ARMH1: variants seen among roughly 807,000 people sequenced by gnomAD.
The protein encoded by ARMH1 is armadillo-like helical domain containing protein 1.
A neutral mutation model predicts 50.2 loss-of-function variants in ARMH1; 34 were observed. The ratio of observed to expected loss-of-function variants is 0.68; its 90% confidence interval spans 0.51 to 0.90. ARMH1 has a LOEUF of 0.90. Ranked by LOEUF, ARMH1 falls within the 40% of genes least tolerant of loss-of-function variation. ARMH1 has a pLI of 0.00. For synonymous variants in ARMH1, 221 were observed against 224.2 expected (o/e 0.99, Z 0.13); for missense variants, 538 against 553.9 (o/e 0.97, Z 0.29).
chr1:44,687,210 G>GTTT (rs1645501433), intron 1 of ARMH1, among the ~76,000 whole-genome samples: 1 of 152,214 alleles, frequency 6.6e-6, no homozygotes, highest in South Asian at 2.1e-4. Flanking sequence ...AGATGACCAT[G>GTTT]TTTTCCCTGT....
At chr1:44,714,895 T>C (rs564755035) in intron 6 of ARMH1, among the ~76,000 whole-genome samples, 1 of 152,164 alleles carries the variant, frequency 6.6e-6, no homozygotes, top group South Asian at 2.1e-4. Context: ...TTTTCTTTTT[T>C]TGTTGGGGGG....
intron 4 of ARMH1, among the ~76,000 whole-genome samples, chr1:44,700,592 G>A (rs997494362): frequency 2.0e-5 from 3 of 148,392 alleles, no homozygotes; most frequent in Non-Finnish European, 3.0e-5. Flanking sequence ...CTCCAGCCTG[G>A]GCAACAGACA....
Position 44,724,321 on chromosome 1 carries a change from C to T in ARMH1, c.849C>T (p.Asp283=). The change falls in exon 8 of 12, where the codon GAC becomes GAT. Residue 283 remains aspartate, a splice_region_variant and synonymous_variant. Coordinates refer to ENST00000535358, the MANE Select transcript of ARMH1 (RefSeq NM_001145636.2). The surrounding 1 kb of genome is among the most constrained non-coding windows in gnomAD (Gnocchi z 6.4). ...ISKLQAKILS[D]PSVLQLTPSL... ...GCCTCACGGCTGCCCCCTCCTCAGACCCCTCGGTTCTCCAGCTCACCCCCA... is the reference window on the plus strand; with the variant it reads ...GCCTCACGGCTGCCCCCTCCTCAGATCCCTCGGTTCTCCAGCTCACCCCCA... 1 of 1,551,596 alleles carries T rather than the reference C, an allele frequency of 6.4e-7. No homozygotes were observed. The highest frequency in any genetic ancestry group is 8.7e-7 in the Non-Finnish European group (1 of 1,146,974).
chr1:44,721,660 T>TGGAGGTTGTA (rs1647161772), intron 6 of ARMH1: 1 of 152,024 alleles, frequency 6.6e-6, no homozygotes, highest in Non-Finnish European at 1.5e-5. Context: ...GCATGGGAGA[T>TGGAGGTTGTA]GGAGGTTGTA....
At chr1:44,721,491 T>C (rs1019487706) in intron 6 of ARMH1, among the ~76,000 whole-genome samples, 2 of 151,712 alleles carry the variant, frequency 1.3e-5, no homozygotes, top group African/African-American at 2.4e-5. Context: ...AGATACAGAC[T>C]GTCAAAAACT....
intron 6 of ARMH1, among the ~76,000 whole-genome samples, chr1:44,719,038 A>AG (rs2148762232): frequency 6.6e-6 from 1 of 151,754 alleles, no homozygotes; most frequent in Non-Finnish European, 1.5e-5. Context: ...AAAAAAAAAA[A>AG]AAAAAAAAAG....
intron 4 of ARMH1, among the ~76,000 whole-genome samples, chr1:44,698,487 G>A (rs1645903246): frequency 6.6e-6 from 1 of 152,146 alleles, no homozygotes; most frequent in South Asian, 2.1e-4. Context: ...TCAAAGATTT[G>A]TTGAGCTGTG....
At chr1:44,718,735 C>T (rs1206227602) in intron 6 of ARMH1, among the ~76,000 whole-genome samples, 2 of 152,116 alleles carry the variant, frequency 1.3e-5, no homozygotes, top group East Asian at 1.9e-4. Flanking sequence ...TCATAAGAAG[C>T]GTTTCTGGGC....
chr1:44,675,156 G>A (rs980732263), intron 1 of ARMH1, among the ~76,000 whole-genome samples: 4 of 152,190 alleles, frequency 2.6e-5, no homozygotes, highest in African/African-American at 9.7e-5. Context: ...TTAGGCCCTA[G>A]TGAGAATCAA....
At chr1:44,695,986 G>C (rs75464318) in intron 2 of ARMH1, among the ~76,000 whole-genome samples, 1,965 of 151,060 alleles carry the variant, frequency 0.013, 43 homozygotes, top group African/African-American at 0.045. Flanking sequence ...AGAGGAAACA[G>C]AAGGTGACAG....
chr1:44,696,766 G>A (rs1422502272), intron 2 of ARMH1, among the ~76,000 whole-genome samples: 1 of 152,212 alleles, frequency 6.6e-6, no homozygotes, highest in African/African-American at 2.4e-5. Context: ...GATGCAATGG[G>A]CATGGCTTAG....
chr1:44,703,450 C>CA (rs1263247358), intron 5 of ARMH1, among the ~76,000 whole-genome samples: 3 of 151,392 alleles, frequency 2.0e-5, no homozygotes. Context: ...TGGGCGGGCA[C>CA]AGTGGCTCAT....
chr1:44,725,152 T>C lies in ARMH1; in HGVS notation c.1145T>C (p.Leu382Ser). 1 of 1,551,900 alleles carries C rather than the reference T, an allele frequency of 6.4e-7. No individual in the cohort carries two copies. The highest frequency in any genetic ancestry group is 8.7e-7 in the Non-Finnish European group (1 of 1,147,020). Residue 382 changes from leucine (L) to serine (S), a missense_variant, in exon 11 of 12, where the codon TTG becomes TCG. Leu to Ser is a moderately radical substitution (Grantham distance 145, BLOSUM62 -2). Coordinates refer to ENST00000535358, the MANE Select transcript of ARMH1 (RefSeq NM_001145636.2). ...YQLFLSNAED[L>S]YMKIDSIQAD... ...TGTCCTCAGAGCAACGCTGAGGACT[T>C]GTACATGAAAATAGACAGCATTCAG...
chr1:44,689,104 C>T (rs1426643396), intron 1 of ARMH1: 1 of 152,402 alleles, frequency 6.6e-6, no homozygotes, highest in Non-Finnish European at 1.5e-5. Flanking sequence ...CACTCTGTCG[C>T]CCAGGCTAGA....
At chr1:44,685,908 G>A (rs1645456320) in intron 1 of ARMH1, among the ~76,000 whole-genome samples, 1 of 152,142 alleles carries the variant, frequency 6.6e-6, no homozygotes, top group South Asian at 2.1e-4. Context: ...TTACAGGCGT[G>A]AGCCACCGCG....
intron 6 of ARMH1, among the ~76,000 whole-genome samples, chr1:44,709,942 A>G (rs1189091524): frequency 1.3e-5 from 2 of 152,168 alleles, no homozygotes; most frequent in East Asian, 3.8e-4. Flanking sequence ...GTAGAATACA[A>G]TTTTTGTCTA....
At chr1:44,720,392 A>AG (rs1647049546) in intron 6 of ARMH1, among the ~76,000 whole-genome samples, 1 of 152,098 alleles carries the variant, frequency 6.6e-6, no homozygotes, top group Admixed American at 6.6e-5. Flanking sequence ...GCGTGGTCCT[A>AG]GGCTGCCATG....
intron 1 of ARMH1, among the ~76,000 whole-genome samples, chr1:44,680,621 G>A (rs1193328247): frequency 6.6e-6 from 1 of 152,208 alleles, no homozygotes; most frequent in Non-Finnish European, 1.5e-5. Flanking sequence ...GGCTTTGTTT[G>A]TATATTTATT....
chr1:44,697,575 G>A (rs1311069044), intron 3 of ARMH1, among the ~76,000 whole-genome samples: 1 of 152,052 alleles, frequency 6.6e-6, no homozygotes, highest in South Asian at 2.1e-4. Context: ...CTTCTCCTCT[G>A]TGTTCATAGA....
Sources: allele counts gnomAD v4.1 joint callset (sites outside exome capture counted in the v4.1 genomes callset), GRCh38; gene constraint gnomAD v4.1.1; non-coding constraint Gnocchi (gnomAD v3.1); transcripts MANE v1.5; gene names NCBI Gene and HGNC (gene_info 2026-07-23, HGNC 2026-07-21).